SORBS3: variants seen among roughly 807,000 people sequenced by gnomAD.
The protein encoded by SORBS3 is sorbin and SH3 domain containing 3, also known as vinexin.
In SORBS3, 69 loss-of-function variants were observed where a neutral mutation model predicts 98.0. The observed-to-expected ratio is 0.70, with a 90% confidence interval of 0.58 to 0.86. The LOEUF (loss-of-function observed/expected upper bound fraction) is 0.86, where lower values mean the gene tolerates loss of function less well. Among genes scored for constraint, SORBS3 ranks in the 40% least tolerant of loss-of-function variants. SORBS3 has a pLI of 0.00. For missense variants in SORBS3, 954 were observed against 908.5 expected (o/e 1.05, Z -0.64); for synonymous variants, 394 against 355.4 (o/e 1.11, Z -1.22).
chr8:22,549,616 A>G (rs921478367), upstream of SORBS3, among the ~76,000 whole-genome samples: 1 of 152,190 alleles, frequency 6.6e-6, no homozygotes, highest in African/African-American at 2.4e-5. Context: ...GCACCACGGA[A>G]CATGGTGGAT....
chr8:22,558,791 G>A (rs1266871373), intron 5 of SORBS3, among the ~76,000 whole-genome samples: 2 of 152,246 alleles, frequency 1.3e-5, no homozygotes, highest in Non-Finnish European at 2.9e-5. Context: ...TCACCCAGGA[G>A]CGGCCAGGAA....
intron 20 of SORBS3, among the ~76,000 whole-genome samples, chr8:22,573,684 A>T (rs1482432638): frequency 6.6e-6 from 1 of 150,984 alleles, no homozygotes; most frequent in Non-Finnish European, 1.5e-5. Context: ...TGGGGGTGGG[A>T]CGAGCACGGG....
At chr8:22,546,094 C>G (rs1241593739) in intron 1 of SORBS3, among the ~76,000 whole-genome samples, 1 of 152,136 alleles carries the variant, frequency 6.6e-6, no homozygotes, top group African/African-American at 2.4e-5. Context: ...CCTACTTTTT[C>G]TTGCTTTCAG....
intron 7 of SORBS3, among the ~76,000 whole-genome samples, chr8:22,562,222 C>A (rs1840312221): frequency 6.6e-6 from 1 of 152,210 alleles, no homozygotes; most frequent in South Asian, 2.1e-4. Context: ...GAACTCTTTG[C>A]CCCAAAGATC....
chr8:22,575,026 A>C lies in SORBS3; in HGVS notation c.*298A>C. On this transcript the variant is annotated 3_prime_UTR_variant, in exon 21 of 21. Transcript: ENST00000240123. ...CCAGGCCTTATTGAGACCAGACCCC[A>C]AGTCCCCCACCCCCATCCTGCTCCA... 1.8e-6 allele frequency: 1 copy of C among 559,358 alleles called. No individual in the cohort carries two copies. The allele number at this position is 559,358 out of a possible 1,614,324, so 34.6% of individuals were successfully genotyped here. A position where few individuals can be genotyped will look rare whatever the true frequency, so the allele number is the denominator to read the frequency against.
Position 22,561,366 on chromosome 8 carries a change from A to T in SORBS3, c.510A>T (p.Pro170=). The T allele has an allele frequency of 1.2e-6, 2 of 1,611,884 alleles. No individual in the cohort carries two copies. Among genetic ancestry groups the T allele is most frequent in the Non-Finnish European group, 1.7e-6 (2 of 1,178,910 alleles). ...DLQLDWTFEE[P]PRDPRHLGAQ... is the part of the protein sequence containing the mutation. Reference sequence around the variant, plus strand: ...AGCTGGACTGGACCTTCGAGGAGCCACCCAGAGGTGAGGGGATGCGGGCCC... The same window carrying T: ...AGCTGGACTGGACCTTCGAGGAGCCTCCCAGAGGTGAGGGGATGCGGGCCC... The change falls in exon 6 of 21, where the codon CCA becomes CCT. Residue 170 remains proline (P), a synonymous_variant. Coordinates refer to ENST00000240123, the MANE Select transcript of SORBS3 (RefSeq NM_005775.5).
chr8:22,568,124 T>A (rs1840474788), intron 16 of SORBS3, among the ~76,000 whole-genome samples: 1 of 152,164 alleles, frequency 6.6e-6, no homozygotes, highest in Non-Finnish European at 1.5e-5. Flanking sequence ...AGTGCTTGGG[T>A]TACAAGCGTG....
At chr8:22,558,309 C>T (rs1263529801) in intron 5 of SORBS3, 117 bp downstream of exon 5, 4 of 955,126 alleles carry the variant, frequency 4.2e-6, no homozygotes, top group Non-Finnish European at 6.7e-6. Context: ...TCCACCTTCT[C>T]CCAGGCTCTA....
intron 16 of SORBS3, among the ~76,000 whole-genome samples, chr8:22,567,590 T>C (rs1466082293): frequency 6.6e-6 from 1 of 152,238 alleles, no homozygotes; most frequent in Non-Finnish European, 1.5e-5. Flanking sequence ...CAGAGAGTGA[T>C]AGATTATCTC....
In SORBS3 at chr8:22,571,086, C is replaced by A. The variant is rs780876574; in HGVS notation, c.1608C>A (p.Ala536=). 6.8e-6 allele frequency: 11 copies of A among 1,611,776 alleles called. No homozygotes were observed. The South Asian group carries it at 1.2e-4, about 18-fold the overall frequency. The change falls in exon 18 of 21, where the codon GCC becomes GCA. Residue 536 remains alanine, a synonymous_variant. Coordinates refer to ENST00000240123, the MANE Select transcript of SORBS3 (RefSeq NM_005775.5). ...CCACGTCTCCCCGCCTGACCGCTGC[C>A]GCCCGCTCAGCCCGTCACCCCAGCT... ...QLPTSPRLTA[A]ARSARHPSSP...
At chr8:22,551,424 C>T (rs1395261501), upstream of SORBS3, among the ~76,000 whole-genome samples, 4 of 152,078 alleles carry the variant, frequency 2.6e-5, no homozygotes, top group Non-Finnish European at 4.4e-5. This position sits in a 1 kb window ranked among gnomAD's most constrained non-coding sequence, Gnocchi z 5.8. Context: ...ACCACTCCTG[C>T]CCCCTTGTCC....
chr8:22,550,921 A>G (rs908946891), upstream of SORBS3, among the ~76,000 whole-genome samples: 2 of 152,160 alleles, frequency 1.3e-5, no homozygotes, highest in African/African-American at 2.4e-5. Context: ...CGGTCCTTCA[A>G]TGTTCCTTAA....
At chr8:22,553,788 C>T (rs957720379) in intron 1 of SORBS3, among the ~76,000 whole-genome samples, 1 of 152,260 alleles carries the variant, frequency 6.6e-6, no homozygotes, top group Admixed American at 6.5e-5. Flanking sequence ...CCTCACCCAC[C>T]GCTTCTGTCT....
Position 22,554,754 on chromosome 8 carries a change from G to A in SORBS3, c.103-109G>A, listed in dbSNP as rs1466031006. 1.2e-5 allele frequency: 16 copies of A among 1,375,398 alleles called. No homozygotes were observed. The South Asian group carries it at 1.5e-4, about 13-fold the overall frequency. The allele number at this position is 1,375,398 out of a possible 1,614,324, so 85.2% of individuals were successfully genotyped here. On this transcript the variant is annotated intron_variant, in intron 2 of 20. Coordinates refer to ENST00000240123, the MANE Select transcript of SORBS3 (RefSeq NM_005775.5). The surrounding 1 kb of genome is among the most constrained non-coding windows in gnomAD (Gnocchi z 6.5). Reference sequence around the variant, plus strand: ...GGCCTCGCTGGTTTCCCACAAAATCGTCAGGCGGGCCTGGGACTGTCACCG... The same window carrying A: ...GGCCTCGCTGGTTTCCCACAAAATCATCAGGCGGGCCTGGGACTGTCACCG...
chr8:22,559,271 ACT>A (rs2117234286), intron 5 of SORBS3, among the ~76,000 whole-genome samples: 1 of 152,210 alleles, frequency 6.6e-6, no homozygotes, highest in Non-Finnish European at 1.5e-5. Flanking sequence ...ACAGGATGAG[ACT>A]CTGAATACAC....
upstream of SORBS3, among the ~76,000 whole-genome samples, chr8:22,548,872 T>C (rs1840043685): frequency 6.6e-6 from 1 of 152,174 alleles, no homozygotes; most frequent in African/African-American, 2.4e-5. Context: ...TTTGTCATCC[T>C]TGGTGACAGA....
At chr8:22,555,754 G>A (rs1376416365) in intron 3 of SORBS3, among the ~76,000 whole-genome samples, 1 of 151,780 alleles carries the variant, frequency 6.6e-6, no homozygotes, top group Non-Finnish European at 1.5e-5. Flanking sequence ...GGGAGGTTGA[G>A]GCAGGAGAAT....
chr8:22,556,356 G>T (rs924742964), intron 3 of SORBS3, among the ~76,000 whole-genome samples: 1 of 152,160 alleles, frequency 6.6e-6, no homozygotes, highest in Non-Finnish European at 1.5e-5. Context: ...GGTAGAGCTG[G>T]GGTCTGAATT....
At chr8:22,571,675 G>A (rs372679047) in intron 18 of SORBS3, 43 bp from the exon 19 acceptor site, 177 of 1,468,062 alleles carry the variant, frequency 1.2e-4, no homozygotes, top group Non-Finnish European at 1.6e-4. Flanking sequence ...TGTACCCATC[G>A]TCTTCCTCCC....
Sources: gnomAD v4.1 joint callset for allele counts (sites outside exome capture counted in the v4.1 genomes callset) on GRCh38, gnomAD v4.1.1 for gene constraint, Gnocchi (gnomAD v3.1) non-coding constraint, MANE v1.5 for transcripts, NCBI Gene and HGNC (gene_info 2026-07-23, HGNC 2026-07-21) for gene names.